ELAVL3: variants seen among roughly 807,000 people sequenced by gnomAD.
ELAVL3 encodes ELAV like RNA binding protein 3.
In ELAVL3, 8 loss-of-function variants were observed where a neutral mutation model predicts 34.2. That is an observed-to-expected ratio of 0.23 (90% CI 0.14 to 0.42). The LOEUF (loss-of-function observed/expected upper bound fraction) is 0.42. Among genes scored for constraint, ELAVL3 ranks in the 10% least tolerant of loss-of-function variants. The pLI is 1.00. For synonymous variants in ELAVL3, 209 were observed against 222.1 expected (o/e 0.94, Z 0.53); for missense variants, 273 against 518.8 (o/e 0.53, Z 4.60).
chr19:11,463,168 C>T (rs1182683064), intron 3 of ELAVL3, among the ~76,000 whole-genome samples: 2 of 152,136 alleles, frequency 1.3e-5, no homozygotes, highest in East Asian at 3.9e-4. Flanking sequence ...TTTTCACAGG[C>T]CTTTTCCATC....
chr19:11,480,910 T>G lies in ELAVL3; in HGVS notation c.-302A>C. ...CCCGCGGGGCCCGGGGAGGTTGCGC[T>G]TCCCGACAGAGATCGCGGCGCTCTG... On this transcript the variant is annotated 5_prime_UTR_variant, in exon 1 of 7. Transcript: ENST00000359227. The surrounding 1 kb of genome is among the most constrained non-coding windows in gnomAD (Gnocchi z 6.8). The G allele has an allele frequency of 5.2e-5, 16 of 308,668 alleles. No homozygotes were observed. The highest frequency in any genetic ancestry group is 1.0e-4 in the East Asian group (2 of 19,578). The allele number at this position is 308,668 out of a possible 1,614,324, so 19.1% of individuals were successfully genotyped here. A position where few individuals can be genotyped will look rare whatever the true frequency, so the allele number is the denominator to read the frequency against.
chr19:11,469,879 G>A (rs1450776447), intron 1 of ELAVL3, among the ~76,000 whole-genome samples: 15 of 152,054 alleles, frequency 9.9e-5, no homozygotes, highest in South Asian at 2.1e-4. Flanking sequence ...GCAACATGGC[G>A]AAACCCTGTC....
At chr19:11,473,962 A>G (rs528869869) in intron 1 of ELAVL3, among the ~76,000 whole-genome samples, 5 of 152,298 alleles carry the variant, frequency 3.3e-5, no homozygotes, top group African/African-American at 1.2e-4. Context: ...TACGTCTGTC[A>G]TGGGCATGAT....
Position 11,454,524 on chromosome 19 carries a change from G to C in ELAVL3, c.*2C>G. On this transcript the variant is annotated 3_prime_UTR_variant, in exon 7 of 7. Coordinates refer to ENST00000359227, the MANE Select transcript of ELAVL3 (RefSeq NM_001420.4). The surrounding 1 kb of genome is among the most constrained non-coding windows in gnomAD (Gnocchi z 9.2). ...GGGGGTGGGAGGGCAGGCGGGGTGG[G>C]CTCACGCCTTGTGCTGTTTGCTGGT... 1 of 1,592,988 alleles carries C rather than the reference G, an allele frequency of 6.3e-7. No individual in the cohort carries two copies. The highest frequency in any genetic ancestry group is 8.6e-7 in the Non-Finnish European group (1 of 1,168,710).
In ELAVL3 at chr19:11,451,433, T is replaced by G. The variant is rs934817147; in HGVS notation, c.*3093A>C. 2 of 151,282 alleles carry G rather than the reference T, an allele frequency of 1.3e-5. No individual in the cohort carries two copies. Among genetic ancestry groups the G allele is most frequent in the Non-Finnish European group, 2.9e-5 (2 of 67,818 alleles). 9.4% of individuals were successfully genotyped at this position (151,282 alleles called of 1,614,324 possible). On this transcript the variant is annotated 3_prime_UTR_variant, in exon 7 of 7. Coordinates refer to ENST00000359227, the MANE Select transcript of ELAVL3 (RefSeq NM_001420.4). ...GGCCTGTGATCCCGGTAATAAATAG[T>G]CTAAACGCAACGCGAAGTGTTCTTG...
intron 3 of ELAVL3, among the ~76,000 whole-genome samples, chr19:11,459,948 C>A (rs1292057961): frequency 6.6e-6 from 1 of 152,148 alleles, no homozygotes; most frequent in Non-Finnish European, 1.5e-5. Context: ...CCCAGCTACA[C>A]TGGGCCCCCC....
rs1025186018 is a variant in ELAVL3 at position 11,453,159 on chromosome 19, G to T, written c.*1367C>A. The T allele has an allele frequency of 1.3e-5, 2 of 152,150 alleles. No individual in the cohort carries two copies. Among genetic ancestry groups the T allele is most frequent in the South Asian group, 4.2e-4 (2 of 4,814 alleles). The allele number at this position is 152,150 out of a possible 1,614,324, so 9.4% of individuals were successfully genotyped here. A position where few individuals can be genotyped will look rare whatever the true frequency, so the allele number is the denominator to read the frequency against. ...TCGGCCCAGGGGGAGGCTGAGCCCC[G>T]GGGACAGGGGTGTCCTTTGGCCTCA... On this transcript the variant is annotated 3_prime_UTR_variant, in exon 7 of 7. Transcript: ENST00000359227.
intron 6 of ELAVL3, among the ~76,000 whole-genome samples, chr19:11,455,364 G>T (rs1387275975): frequency 6.7e-6 from 1 of 149,846 alleles, no homozygotes; most frequent in Non-Finnish European, 1.5e-5. Flanking sequence ...GCAGTGGGAT[G>T]ATCTCAGCTC....
At chr19:11,465,298 A>G (rs1372403147) in intron 3 of ELAVL3, among the ~76,000 whole-genome samples, 2 of 148,026 alleles carry the variant, frequency 1.4e-5, no homozygotes, top group African/African-American at 5.0e-5. Flanking sequence ...CACACCACAC[A>G]CACACACACC....
In ELAVL3 at chr19:11,480,487, G is replaced by A; in HGVS notation, c.9+113C>T. 9.6e-7 allele frequency: 1 copy of A among 1,042,834 alleles called. No individual in the cohort carries two copies. The highest frequency in any genetic ancestry group is 1.3e-6 in the Non-Finnish European group (1 of 785,072). The allele number at this position is 1,042,834 out of a possible 1,614,324, so 64.6% of individuals were successfully genotyped here. A position where few individuals can be genotyped will look rare whatever the true frequency, so the allele number is the denominator to read the frequency against. On this transcript the variant is annotated intron_variant, in intron 1 of 6. Coordinates refer to ENST00000359227, the MANE Select transcript of ELAVL3 (RefSeq NM_001420.4). This position sits in a 1 kb window ranked among gnomAD's most constrained non-coding sequence, Gnocchi z 6.8. ...AGGCTTGGTCCTACCCCCCCAACCC[G>A]GGCCTAGCTAGGCCTGGTCCTACCC... is the stretch of plus-strand genomic sequence containing the variant.
chr19:11,451,802 G>C lies in ELAVL3; in HGVS notation c.*2724C>G, dbSNP rs934395124. 5.8e-5 allele frequency: 7 copies of C among 120,604 alleles called. No homozygotes were observed. Among genetic ancestry groups the C allele is most frequent in the East Asian group, 2.2e-4 (1 of 4,636 alleles). 7.5% of individuals were successfully genotyped at this position (120,604 alleles called of 1,614,324 possible). ...GGGTGGCAGGGGCCTAGGCCTCGGT[G>C]GGGGGGGGGTGTGTGGGGAGGTGCC... On this transcript the variant is annotated 3_prime_UTR_variant, in exon 7 of 7. Transcript: ENST00000359227.
intron 3 of ELAVL3, among the ~76,000 whole-genome samples, chr19:11,459,547 G>A (rs1212061889): frequency 1.3e-5 from 2 of 151,666 alleles, no homozygotes; most frequent in African/African-American, 4.8e-5. Context: ...GATTACAGGT[G>A]TGAGCCACCT....
intron 1 of ELAVL3, among the ~76,000 whole-genome samples, chr19:11,477,978 C>T (rs1971294414): frequency 1.3e-5 from 2 of 152,164 alleles, no homozygotes; most frequent in African/African-American, 4.8e-5. Flanking sequence ...GCATGAGCCA[C>T]CGTGCTAGAT....
chr19:11,478,657 G>A (rs1419294797), intron 1 of ELAVL3, among the ~76,000 whole-genome samples: 1 of 152,056 alleles, frequency 6.6e-6, no homozygotes, highest in Non-Finnish European at 1.5e-5. Flanking sequence ...CTTCTCCACT[G>A]TCCTGCCCTC....
At chr19:11,476,067 A>T (rs1199406535) in intron 1 of ELAVL3, among the ~76,000 whole-genome samples, 1 of 152,204 alleles carries the variant, frequency 6.6e-6, no homozygotes, top group African/African-American at 2.4e-5. Flanking sequence ...CAATGTCTGC[A>T]AGGCACCCGC....
Position 11,458,641 on chromosome 19 carries a change from G to C in ELAVL3, c.334-30C>G, listed in dbSNP as rs757609567. Reference sequence around the variant, plus strand: ...GTGAGGGGGTCAGATGGACAGGGGTGAGGCAGAGACCCATTTCACAGATGG... The same window carrying C: ...GTGAGGGGGTCAGATGGACAGGGGTCAGGCAGAGACCCATTTCACAGATGG... On this transcript the variant is annotated intron_variant, in intron 3 of 6. Transcript: ENST00000359227. This position sits in a 1 kb window ranked among gnomAD's most constrained non-coding sequence, Gnocchi z 7.3. 8 of 1,611,048 alleles carry C rather than the reference G, an allele frequency of 5.0e-6. No homozygotes were observed. The highest frequency in any genetic ancestry group is 6.8e-6 in the Non-Finnish European group (8 of 1,179,402).
chr19:11,462,573 T>C (rs1003846457), intron 3 of ELAVL3, among the ~76,000 whole-genome samples: 2 of 148,058 alleles, frequency 1.4e-5, no homozygotes, highest in Non-Finnish European at 3.0e-5. Flanking sequence ...AGAGGCGGAA[T>C]TGCAGTGAGC....
chr19:11,460,663 C>A (rs1410092474), intron 3 of ELAVL3, among the ~76,000 whole-genome samples: 1 of 152,070 alleles, frequency 6.6e-6, no homozygotes. Context: ...GCTCTTCCTC[C>A]TCTTCTTTCT....
At chr19:11,460,739 CT>C (rs1053439518) in intron 3 of ELAVL3, among the ~76,000 whole-genome samples, 9 of 152,096 alleles carry the variant, frequency 5.9e-5, no homozygotes, top group Non-Finnish European at 1.0e-4. Flanking sequence ...CCCACCACCC[CT>C]ATTACTCTTT....
Sources: gnomAD v4.1 joint callset for allele counts (sites outside exome capture counted in the v4.1 genomes callset) on GRCh38, gnomAD v4.1.1 for gene constraint, Gnocchi (gnomAD v3.1) non-coding constraint, MANE v1.5 for transcripts, NCBI Gene and HGNC (gene_info 2026-07-23, HGNC 2026-07-21) for gene names.